The following HOMER2 variants were observed in gnomAD, a reference collection of about 807,000 sequenced individuals.
HOMER2 encodes the protein homer scaffold protein 2, also known as homer protein homolog 2.
A neutral mutation model predicts 47.0 loss-of-function variants in HOMER2; 27 were observed. That is an observed-to-expected ratio of 0.57 (90% CI 0.42 to 0.79). The LOEUF (loss-of-function observed/expected upper bound fraction) is 0.79, where lower values mean the gene tolerates loss of function less well. HOMER2 is among the 30% of genes least tolerant of loss of function. HOMER2 has a pLI of 0.00. For synonymous variants in HOMER2, 161 were observed against 163.8 expected (o/e 0.98, Z 0.13); for missense variants, 443 against 435.0 (o/e 1.02, Z -0.16).
chr15:82,855,948 C>T (rs571967265), intron 5 of HOMER2, among the ~76,000 whole-genome samples: 7 of 152,178 alleles, frequency 4.6e-5, no homozygotes, highest in Non-Finnish European at 7.4e-5. Context: ...CAGAGCTGCA[C>T]GTGACAAGCC....
At chr15:82,958,424 G>A (rs1030821778) in exon 2 of HOMER2, 44 of 152,314 alleles carry the variant, frequency 2.9e-4, no homozygotes, top group African/African-American at 1.0e-3. Flanking sequence ...GTAGGAAGTG[G>A]CCAGGAACAA....
intron 4 of HOMER2, among the ~76,000 whole-genome samples, chr15:82,863,657 AAAT>A (rs1263990946): frequency 6.6e-6 from 1 of 152,184 alleles, no homozygotes; most frequent in African/African-American, 2.4e-5. Flanking sequence ...TTTCAGATTA[AAAT>A]AGGTCCTTTT....
chr15:82,854,080 TA>T (rs2051487366), intron 6 of HOMER2, among the ~76,000 whole-genome samples: 1 of 152,078 alleles, frequency 6.6e-6, no homozygotes, highest in Admixed American at 6.5e-5. Flanking sequence ...TTCTCCTCAG[TA>T]AGAGGAATTA....
At chr15:82,858,606 G>A (rs1475585024) in intron 5 of HOMER2, among the ~76,000 whole-genome samples, 2 of 152,028 alleles carry the variant, frequency 1.3e-5, no homozygotes, top group South Asian at 2.1e-4. Flanking sequence ...AAGAGTCAAT[G>A]TTATAGATAA....
upstream of HOMER2, among the ~76,000 whole-genome samples, chr15:82,955,264 G>A (rs1733429977): frequency 6.6e-6 from 1 of 150,618 alleles, no homozygotes; most frequent in Non-Finnish European, 1.5e-5. Context: ...CTGCCTCCTG[G>A]GTTCATGCAA....
intron 4 of HOMER2, among the ~76,000 whole-genome samples, chr15:82,862,612 C>T (rs2051830502): frequency 6.6e-6 from 1 of 152,058 alleles, no homozygotes; most frequent in Non-Finnish European, 1.5e-5. Flanking sequence ...TTTCATAGGT[C>T]CTCAGAGATT....
intron 1 of HOMER2, among the ~76,000 whole-genome samples, chr15:82,910,498 C>T (rs1289203034): frequency 6.6e-6 from 1 of 152,166 alleles, no homozygotes; most frequent in Non-Finnish European, 1.5e-5. Flanking sequence ...TAAATGATTA[C>T]ATCTGTAGTA....
At chr15:82,870,109 T>G (rs1250704973) in intron 3 of HOMER2, among the ~76,000 whole-genome samples, 1 of 152,246 alleles carries the variant, frequency 6.6e-6, no homozygotes, top group Admixed American at 6.5e-5. Flanking sequence ...TGATTTCATT[T>G]GTGGCTTCTT....
intron 1 of HOMER2, among the ~76,000 whole-genome samples, chr15:82,965,926 A>T (rs962451159): frequency 1.3e-5 from 2 of 152,110 alleles, no homozygotes; most frequent in Non-Finnish European, 2.9e-5. Context: ...GAAACCCATC[A>T]TTACAAAAAA....
At chr15:82,905,950 T>C (rs924085528) in intron 1 of HOMER2, among the ~76,000 whole-genome samples, 1 of 152,336 alleles carries the variant, frequency 6.6e-6, no homozygotes, top group South Asian at 2.1e-4. Context: ...GATAACAGTA[T>C]GATCAAAATA....
At chr15:82,962,372 A>G (rs1319780587) in intron 1 of HOMER2, among the ~76,000 whole-genome samples, 16 of 150,610 alleles carry the variant, frequency 1.1e-4, no homozygotes, top group Admixed American at 9.9e-4. Context: ...CTCAAAAAAA[A>G]AAAAAAAAAA....
rs373960234 is a variant in HOMER2, at chr15:82,864,274, T to C, written c.295-15A>G. 336 of 1,587,156 alleles carry C rather than the reference T, an allele frequency of 2.1e-4. 1 individual carries two copies. Among genetic ancestry groups the C allele is most frequent in the Non-Finnish European group, 2.8e-4 (324 of 1,158,206 alleles). ...TTCTCTGCAAACTGAACATGAAGAATAGTTATTAAGGCTTTTATTAACCTC... is the reference window on the plus strand; with the variant it reads ...TTCTCTGCAAACTGAACATGAAGAACAGTTATTAAGGCTTTTATTAACCTC... On this transcript the variant is annotated splice_polypyrimidine_tract_variant and intron_variant, in intron 3 of 8. Coordinates refer to ENST00000450735, the MANE Select transcript of HOMER2 (RefSeq NM_004839.4).
In HOMER2 at chr15:82,852,114, G is replaced by A. The variant is rs973697982; in HGVS notation, c.762+28C>T. The A allele has an allele frequency of 1.9e-6, 3 of 1,546,158 alleles. No homozygotes were observed. The African/African-American group carries it at 4.1e-5, about 21-fold the overall frequency. On this transcript the variant is annotated intron_variant, in intron 7 of 8. Coordinates refer to ENST00000450735, the MANE Select transcript of HOMER2 (RefSeq NM_004839.4). ...CCCGCAAGGCCAAGAGGACGCCAAG[G>A]GGCCCTGCTCGGAGCACCATTACTC...
chr15:82,902,603 A>G (rs751464642), intron 1 of HOMER2, among the ~76,000 whole-genome samples: 1 of 152,172 alleles, frequency 6.6e-6, no homozygotes, highest in Non-Finnish European at 1.5e-5. Context: ...TCCCGAAGGA[A>G]CCGTTTGTGT....
intron 1 of HOMER2, among the ~76,000 whole-genome samples, chr15:82,965,770 T>C (rs533602607): frequency 9.8e-4 from 141 of 143,938 alleles, no homozygotes; most frequent in East Asian, 2.9e-3. Flanking sequence ...TCAAAGCCCT[T>C]TTTTTTTTTT....
chr15:82,892,725 G>T lies in HOMER2; in HGVS notation c.122C>A (p.Thr41Lys). 4 of 1,602,988 alleles carry T rather than the reference G, an allele frequency of 2.5e-6. No individual in the cohort carries two copies. The highest frequency in any genetic ancestry group is 3.4e-6 in the Non-Finnish European group (4 of 1,172,180). Residue 41 changes from threonine to lysine, a missense_variant, in exon 2 of 9, where the codon ACA becomes AAA. Thr to Lys is a moderately conservative substitution (Grantham distance 78). Coordinates refer to ENST00000450735, the MANE Select transcript of HOMER2 (RefSeq NM_004839.4). ...AVTVSYFYDV[T>K]RNSYRIISVD... ...ACTGATGATCCGATAGCTGTTCCTT[G>T]TGACATCATAGAAGTAGGAAACGGT...
At chr15:82,909,612 T>G (rs941340505) in intron 1 of HOMER2, among the ~76,000 whole-genome samples, 2 of 151,948 alleles carry the variant, frequency 1.3e-5, no homozygotes, top group Middle Eastern at 3.2e-3. Flanking sequence ...AGGGGGTCAT[T>G]TACTGAAGCT....
At chr15:82,930,411 A>C (rs2053976850) in intron 1 of HOMER2, among the ~76,000 whole-genome samples, 1 of 152,246 alleles carries the variant, frequency 6.6e-6, no homozygotes, top group South Asian at 2.1e-4. Flanking sequence ...CTGCAGCCTC[A>C]GAGGTAAGCG....
Position 82,849,450 on chromosome 15 carries a change from G to A in HOMER2, c.*265C>T, listed in dbSNP as rs965828870. On this transcript the variant is annotated 3_prime_UTR_variant, in exon 9 of 9. Coordinates refer to ENST00000450735, the MANE Select transcript of HOMER2 (RefSeq NM_004839.4). ...CCTTATGAAAGATATAAACATCCCT[G>A]CCCTGACTGCATAAATGTTGAAGGT... The A allele has an allele frequency of 7.8e-5, 39 of 502,624 alleles. No individual in the cohort carries two copies. The highest frequency in any genetic ancestry group is 1.3e-4 in the Non-Finnish European group (38 of 282,474). 31.1% of individuals were successfully genotyped at this position (502,624 alleles called of 1,614,324 possible). A position where few individuals can be genotyped will look rare whatever the true frequency, so the allele number is the denominator to read the frequency against.
Sources: gnomAD v4.1 joint callset for allele counts (sites outside exome capture counted in the v4.1 genomes callset) on GRCh38, gnomAD v4.1.1 for gene constraint, MANE v1.5 for transcripts, NCBI Gene and HGNC (gene_info 2026-07-23, HGNC 2026-07-21) for gene names.